Variants in TRDN observed in about 807,000 individuals in gnomAD.
TRDN encodes triadin.
In TRDN, 161 loss-of-function variants were observed where a neutral mutation model predicts 149.7. The ratio of observed to expected loss-of-function variants is 1.08; its 90% CI spans 0.95 to 1.23. The LOEUF (loss-of-function observed/expected upper bound fraction) is 1.23, where lower values mean the gene tolerates loss of function less well. Ranked by LOEUF, TRDN falls within the 50% of genes most tolerant of loss-of-function variation. The pLI, the probability that TRDN is intolerant of heterozygous loss-of-function variation, is 0.00. For synonymous variants in TRDN, 294 were observed against 250.5 expected, an observed-to-expected ratio of 1.17 and a Z score of -1.64; for missense variants, 896 against 823.5, an observed-to-expected ratio of 1.09 and a Z score of -1.08.
chr6:123,465,582 CAAAAAAAA>C (rs1223948612), intron 9 of TRDN, among the ~76,000 whole-genome samples: 2 of 65,536 alleles, frequency 3.1e-5, no homozygotes, highest in Non-Finnish European at 6.4e-5. Flanking sequence ...TTATGAACTG[CAAAAAAAA>C]AAAAAAAAAA....
intron 1 of TRDN, among the ~76,000 whole-genome samples, chr6:123,619,625 A>G (rs1785277445): frequency 6.6e-6 from 1 of 152,184 alleles, no homozygotes; most frequent in African/African-American, 2.4e-5. Context: ...TCACCTCTCA[A>G]GAGAAGAAGA....
intron 8 of TRDN, among the ~76,000 whole-genome samples, chr6:123,500,432 T>G (rs1778648624): frequency 6.6e-6 from 1 of 152,152 alleles, no homozygotes; most frequent in African/African-American, 2.4e-5. Flanking sequence ...AAACCAAGCC[T>G]TCCTGATTTT....
intron 2 of TRDN, among the ~76,000 whole-genome samples, chr6:123,565,673 C>A (rs1367184833): frequency 6.6e-6 from 1 of 152,106 alleles, no homozygotes; most frequent in Non-Finnish European, 1.5e-5. Context: ...AGGGCAGGTG[C>A]TTTTGCAGCT....
At chr6:123,529,563 AC>A in intron 5 of TRDN, 4 of 518,500 alleles carry the variant, frequency 7.7e-6, no homozygotes, top group Non-Finnish European at 1.4e-5. Context: ...ATATAAATTC[AC>A]GTGCTAGTAT....
intron 9 of TRDN, among the ~76,000 whole-genome samples, chr6:123,490,144 A>C (rs1378936894): frequency 6.6e-6 from 1 of 152,216 alleles, no homozygotes; most frequent in African/African-American, 2.4e-5. Context: ...GAATTTTCTT[A>C]AACTATAGAA....
intron 12 of TRDN, chr6:123,437,267 T>C (rs947724586): frequency 5.3e-5 from 13 of 246,100 alleles, no homozygotes; most frequent in Admixed American, 1.4e-4. Flanking sequence ...TAAACTTTAA[T>C]AGGTTTCTTT....
intron 38 of TRDN, among the ~76,000 whole-genome samples, chr6:123,251,116 A>G (rs573154925): frequency 4.6e-5 from 7 of 152,142 alleles, no homozygotes; most frequent in African/African-American, 1.7e-4. Context: ...CCTTTTATCT[A>G]TACATTTTGT....
At chr6:123,304,171 A>T (rs1017791911) in intron 24 of TRDN, among the ~76,000 whole-genome samples, 1 of 151,972 alleles carries the variant, frequency 6.6e-6, no homozygotes, top group Non-Finnish European at 1.5e-5. Flanking sequence ...AACCATATAA[A>T]GAAGAAGTTG....
At chr6:123,571,592 G>T (rs187624602) in intron 1 of TRDN, among the ~76,000 whole-genome samples, 2 of 151,856 alleles carry the variant, frequency 1.3e-5, no homozygotes, top group East Asian at 3.9e-4. Flanking sequence ...TTTTATTCCT[G>T]ATTTTAAGAG....
intron 10 of TRDN, among the ~76,000 whole-genome samples, chr6:123,443,462 G>T (rs1252051309): frequency 6.6e-6 from 1 of 152,106 alleles, no homozygotes; most frequent in Non-Finnish European, 1.5e-5. Context: ...TACCTGCAGA[G>T]ATCCTGAAAT....
chr6:123,337,740 T>G, intron 21 of TRDN, 71 bp from the exon 22 acceptor site: 2 of 870,598 alleles, frequency 2.3e-6, no homozygotes, highest in Non-Finnish European at 3.5e-6. Context: ...TCTCTTCATG[T>G]GTTTTGTATA....
At position 123,403,736 on chromosome 6, in the gene TRDN, G is replaced by C. The variant is rs188518605; in HGVS notation, c.1052-10059C>G. Among the ~76,000 whole-genome samples, 144 of 152,208 alleles carry C rather than the reference G, an allele frequency of 9.5e-4. 2 individuals are homozygous for C. The South Asian group carries it at 0.022, about 23-fold the overall frequency. On this transcript the variant is annotated intron_variant, in intron 12 of 40. Transcript: ENST00000334268. ...ATGACACCTTGCAGAGCACAAGGAA[G>C]AGGTCCAAATTTAAAAAACTCAACA... is the stretch of plus-strand genomic sequence containing the variant.
intron 12 of TRDN, chr6:123,411,825 A>C (rs979809694): frequency 1.3e-5 from 2 of 152,240 alleles, no homozygotes; most frequent in African/African-American, 4.8e-5. Context: ...CAGCATACAG[A>C]GAATTAAGAA....
chr6:123,570,583 AT>A (rs1189301343), intron 2 of TRDN, among the ~76,000 whole-genome samples: 2 of 152,282 alleles, frequency 1.3e-5, no homozygotes, highest in East Asian at 3.9e-4. Context: ...AAACCTACAA[AT>A]TATTCCTTAT....
At chr6:123,295,653 C>CCTCATATA (rs1427174731) in intron 24 of TRDN, among the ~76,000 whole-genome samples, 1 of 151,768 alleles carries the variant, frequency 6.6e-6, no homozygotes, top group Admixed American at 6.6e-5. Flanking sequence ...TCACATTGTA[C>CCTCATATA]CTCATATATA....
chr6:123,565,674 T>G (rs1782249751), intron 2 of TRDN, among the ~76,000 whole-genome samples: 1 of 152,156 alleles, frequency 6.6e-6, no homozygotes, highest in Non-Finnish European at 1.5e-5. Context: ...GGGCAGGTGC[T>G]TTTGCAGCTC....
At chr6:123,221,585 A>G in intron 39 of TRDN, 63 bp from the exon 40 acceptor site, 3 of 1,112,958 alleles carry the variant, frequency 2.7e-6, no homozygotes, top group South Asian at 2.9e-5. Context: ...ATAAATATAT[A>G]TGGGACTGAG....
At position 123,551,203 on chromosome 6, in the gene TRDN, G is replaced by GATATATATAT. The variant is rs10547981; in HGVS notation, c.233-2601_233-2592dup. Among the ~76,000 whole-genome samples, 66 of 118,100 alleles carry GATATATATAT rather than the reference G, an allele frequency of 5.6e-4. 8 individuals are homozygous for GATATATATAT. The highest frequency in any genetic ancestry group is 6.3e-4 in the African/African-American group (19 of 30,306). The allele number at this position is 118,100 out of a possible 152,430, so 77.5% of individuals were successfully genotyped here. A position where few individuals can be genotyped will look rare whatever the true frequency, so the allele number is the denominator to read the frequency against. On this transcript the variant is annotated intron_variant, in intron 2 of 40. Coordinates refer to ENST00000334268, the MANE Select transcript of TRDN (RefSeq NM_006073.4). ...TTAAATGCACTGTATGTATTTTGCA[G>GATATATATAT]ATATATATATATATATATATTGCCT... is the stretch of plus-strand genomic sequence containing the variant.
chr6:123,268,726 TA>T (rs1562238777), intron 31 of TRDN, among the ~76,000 whole-genome samples: 1 of 152,044 alleles, frequency 6.6e-6, no homozygotes, highest in African/African-American at 2.4e-5. Context: ...ATTCGTACAT[TA>T]GGAACTGATA....
Sources: allele counts gnomAD v4.1 joint callset (sites outside exome capture counted in the v4.1 genomes callset), GRCh38; gene constraint gnomAD v4.1.1; transcripts MANE v1.5; gene names NCBI Gene and HGNC (gene_info 2026-07-23, HGNC 2026-07-21).